Variants in DOCK10 observed in about 807,000 individuals in gnomAD.
DOCK10 encodes dedicator of cytokinesis 10.
Under a neutral mutation model 280.1 loss-of-function variants are expected in DOCK10, and 145 were observed. The ratio of observed to expected loss-of-function variants is 0.52; its 90% CI spans 0.45 to 0.59. The LOEUF (loss-of-function observed/expected upper bound fraction) is 0.59. Ranked by LOEUF, DOCK10 falls within the 20% of genes least tolerant of loss-of-function variation. The pLI, the probability that DOCK10 is intolerant of heterozygous loss-of-function variation, is 0.00. For synonymous variants in DOCK10, 915 were observed against 942.2 expected (o/e 0.97, Z 0.53); for missense variants, 2,368 against 2,651.7 (o/e 0.89, Z 2.35).
chr2:224,771,678 G>C (rs1690448882), intron 53 of DOCK10, among the ~76,000 whole-genome samples: 1 of 152,224 alleles, frequency 6.6e-6, no homozygotes, highest in Non-Finnish European at 1.5e-5. Context: ...TGACCAGCAG[G>C]CATGGCCAGT....
At chr2:224,801,596 G>C (rs1693018787) in intron 40 of DOCK10, among the ~76,000 whole-genome samples, 1 of 152,066 alleles carries the variant, frequency 6.6e-6, no homozygotes, top group Non-Finnish European at 1.5e-5. Flanking sequence ...CTGGGACATG[G>C]GCAACTTTAT....
intron 11 of DOCK10, among the ~76,000 whole-genome samples, chr2:224,866,106 C>A (rs1422441041): frequency 6.6e-6 from 1 of 152,192 alleles, no homozygotes; most frequent in African/African-American, 2.4e-5. Flanking sequence ...CCTTTCGATG[C>A]TGCCAGTTGA....
At chr2:224,945,642 A>G (rs965307523) in intron 1 of DOCK10, among the ~76,000 whole-genome samples, 3 of 152,084 alleles carry the variant, frequency 2.0e-5, no homozygotes, top group Non-Finnish European at 4.4e-5. Context: ...GTACTTATTC[A>G]TATTTATAAA....
At chr2:225,024,249 T>C (rs1689858178) in intron 1 of DOCK10, among the ~76,000 whole-genome samples, 1 of 152,252 alleles carries the variant, frequency 6.6e-6, no homozygotes, top group East Asian at 1.9e-4. Context: ...GGGTTAATTG[T>C]CAAAATCTTA....
In DOCK10 at chr2:224,834,870, C is replaced by G. The variant is rs868801040; in HGVS notation, c.2851-607G>C. Among the ~76,000 whole-genome samples the G allele has an allele frequency of 5.9e-5, 9 of 152,280 alleles. No individual in the cohort carries two copies. In the Middle Eastern group the frequency reaches 0.017, roughly 288 times the overall value. On this transcript the variant is annotated intron_variant, in intron 25 of 55. Transcript: ENST00000258390. The stretch of plus-strand genomic sequence containing the variant: ...GCTAGTTTTCAGTATTTCTTCATCT[C>G]TTAAGAATATCAGTATCAATTTATG...
intron 49 of DOCK10, 26 bp from the exon 50 acceptor site, chr2:224,787,161 A>C: frequency 6.2e-7 from 1 of 1,608,044 alleles, no homozygotes; most frequent in Non-Finnish European, 8.5e-7. Context: ...AAAGAGTTTC[A>C]TGAAGATGAT....
At chr2:224,804,028 G>C (rs910664578) in intron 39 of DOCK10, 84 bp downstream of exon 39, 56 of 681,870 alleles carry the variant, frequency 8.2e-5, no homozygotes, top group Non-Finnish European at 1.4e-4. Context: ...GTGTGTGTGT[G>C]TGTGTCTACC....
intron 25 of DOCK10, 32 bp downstream of exon 25, chr2:224,837,730 G>T: frequency 6.3e-7 from 1 of 1,579,254 alleles, no homozygotes; most frequent in Non-Finnish European, 8.7e-7. Flanking sequence ...AGCACAAGGG[G>T]ATATGAGCAA....
intron 31 of DOCK10, among the ~76,000 whole-genome samples, chr2:224,813,895 A>G (rs944997220): frequency 6.6e-6 from 1 of 152,230 alleles, no homozygotes; most frequent in African/African-American, 2.4e-5. Context: ...GACCATTTTA[A>G]GTTACTAACC....
intron 55 of DOCK10, chr2:224,768,847 T>C (rs1426725845): frequency 2.2e-6 from 1 of 455,260 alleles, no homozygotes; most frequent in South Asian, 1.6e-5. Context: ...GAGGACAGAG[T>C]AGACATAAAG....
chr2:224,886,028 G>A lies in DOCK10; in HGVS notation c.612+35C>T, dbSNP rs753783977. The A allele has an allele frequency of 2.5e-6, 4 of 1,612,838 alleles. No homozygotes were observed. In the East Asian group the frequency reaches 8.9e-5, roughly 36 times the overall value. ...CAGAGGAGGGAGTGTTAAGAAGGGT[G>A]ACAGAGATAAAGATGAGTCTTGATA... On this transcript the variant is annotated intron_variant, in intron 6 of 55. Transcript: ENST00000258390.
chr2:224,954,318 A>T (rs766772657), intron 1 of DOCK10, among the ~76,000 whole-genome samples: 2 of 152,224 alleles, frequency 1.3e-5, no homozygotes, highest in African/African-American at 2.4e-5. Context: ...TTCCAGAAAA[A>T]AATTATAGTC....
chr2:225,032,752 G>C (rs1690116537), intron 1 of DOCK10, among the ~76,000 whole-genome samples: 1 of 152,130 alleles, frequency 6.6e-6, no homozygotes, highest in African/African-American at 2.4e-5. Context: ...CAAACAATGA[G>C]TATTTGAGAA....
intron 11 of DOCK10, among the ~76,000 whole-genome samples, chr2:224,868,042 GT>G (rs893348527): frequency 2.6e-5 from 4 of 151,920 alleles, no homozygotes; most frequent in Non-Finnish European, 4.4e-5. Context: ...GGCCTGAGAG[GT>G]TTTTTTTGTG....
chr2:224,938,305 G>A (rs980981707), intron 1 of DOCK10, among the ~76,000 whole-genome samples: 15 of 152,196 alleles, frequency 9.9e-5, no homozygotes, highest in South Asian at 6.2e-4. Flanking sequence ...ATTCATAACA[G>A]AATTAATCCT....
At chr2:224,971,083 C>A (rs59406413) in intron 1 of DOCK10, among the ~76,000 whole-genome samples, 20,749 of 152,252 alleles carry the variant, frequency 0.14, 1,458 homozygotes, top group Middle Eastern at 0.21. Context: ...GCCTGGATTT[C>A]ATCTTCCAGT....
chr2:224,898,267 A>G (rs2125837730), intron 3 of DOCK10, among the ~76,000 whole-genome samples: 1 of 152,290 alleles, frequency 6.6e-6, no homozygotes, highest in Admixed American at 6.5e-5. Context: ...GAGTTCTCTC[A>G]GTACCACGGC....
intron 27 of DOCK10, among the ~76,000 whole-genome samples, chr2:224,830,240 C>G (rs1050087446): frequency 2.6e-5 from 4 of 152,162 alleles, no homozygotes; most frequent in African/African-American, 9.7e-5. Context: ...ATCCTCCTTC[C>G]TTCCCCCTTT....
At chr2:224,817,739 G>A (rs1406916812) in intron 29 of DOCK10, among the ~76,000 whole-genome samples, 1 of 152,184 alleles carries the variant, frequency 6.6e-6, no homozygotes, top group Non-Finnish European at 1.5e-5. Context: ...AATTGAGAGA[G>A]AGAATTGGAT....
Sources: gnomAD v4.1 joint callset for allele counts (sites outside exome capture counted in the v4.1 genomes callset) on GRCh38, gnomAD v4.1.1 for gene constraint, MANE v1.5 for transcripts, NCBI Gene and HGNC (gene_info 2026-07-23, HGNC 2026-07-21) for gene names.